Variants in ODF2L observed in about 807,000 individuals in gnomAD.
ODF2L encodes the protein protein BCAP.
ODF2L carries 76 observed loss-of-function variants against 86.3 expected under a neutral mutation model. The observed-to-expected ratio is 0.88, with a 90% CI of 0.73 to 1.07. ODF2L has a LOEUF of 1.07. Among genes scored for constraint, ODF2L ranks in the 50% least tolerant of loss-of-function variants. The pLI, the probability that ODF2L is intolerant of heterozygous loss-of-function variation, is 0.00. For missense variants in ODF2L, 748 were observed against 717.4 expected, an observed-to-expected ratio of 1.04 and a Z score of -0.49; for synonymous variants, 241 against 231.3, an observed-to-expected ratio of 1.04 and a Z score of -0.38.
exon 18 of ODF2L, chr1:86,351,975 T>G: frequency 7.9e-7 from 1 of 1,267,910 alleles, no homozygotes; most frequent in Non-Finnish European, 1.0e-6. Context: ...ACACACATTT[T>G]ACAATATCAG....
At chr1:86,352,238 A>G (rs1464325471) in intron 17 of ODF2L, 2 of 1,477,378 alleles carry the variant, frequency 1.4e-6, no homozygotes, top group African/African-American at 2.9e-5. Context: ...ATTATTCTCT[A>G]TGTCATTATC....
At chr1:86,372,487 A>G in exon 9 of ODF2L, 3 of 1,528,584 alleles carry the variant, frequency 2.0e-6, no homozygotes, top group African/African-American at 1.4e-5. Flanking sequence ...CAATTTTCTC[A>G]TAATGACTTT....
At chr1:86,353,948 C>T (rs1254308030) in intron 16 of ODF2L, among the ~76,000 whole-genome samples, 1 of 152,190 alleles carries the variant, frequency 6.6e-6, no homozygotes, top group Non-Finnish European at 1.5e-5. Context: ...ACTCTGAACT[C>T]TTCCTTTCAG....
At chr1:86,358,631 A>G in intron 13 of ODF2L, 156 bp downstream of exon 12, 1 of 341,818 alleles carries the variant, frequency 2.9e-6, no homozygotes, top group African/African-American at 2.1e-5. Context: ...AGCCTGGAAG[A>G]AACATTATTT....
exon 7 of ODF2L, chr1:86,382,334 A>C (rs1397819482): frequency 9.9e-6 from 16 of 1,611,680 alleles, no homozygotes; most frequent in Admixed American, 1.7e-5. Flanking sequence ...GATTGGGAAA[A>C]ACGGTTTGCT....
At chr1:86,385,816 C>T (rs1223505299) in intron 2 of ODF2L, 2 of 327,508 alleles carry the variant, frequency 6.1e-6, no homozygotes, top group Middle Eastern at 8.4e-4. Flanking sequence ...TAAAGATGTA[C>T]GTATAGTTAA....
At chr1:86,388,089 G>C (rs1027459868) in intron 1 of ODF2L, among the ~76,000 whole-genome samples, 2 of 152,012 alleles carry the variant, frequency 1.3e-5, no homozygotes, top group Non-Finnish European at 2.9e-5. Context: ...ACAGGCCAAT[G>C]AAGTATGGTC....
chr1:86,354,922 T>C, intron 14 of ODF2L, 63 bp from the exon 14 acceptor site: 2 of 894,406 alleles, frequency 2.2e-6, no homozygotes, highest in East Asian at 2.5e-5. Flanking sequence ...AAGAAATCCA[T>C]ATAATTTATT....
intron 7 of ODF2L, chr1:86,381,984 G>T (rs575686532): frequency 3.0e-4 from 82 of 275,784 alleles, no homozygotes; most frequent in African/African-American, 1.7e-3. Context: ...ACTATAAAGT[G>T]GAAATGATTT....
At chr1:86,358,871 T>G (rs776267921) in exon 13 of ODF2L, 1 of 1,539,164 alleles carries the variant, frequency 6.5e-7, no homozygotes, top group Non-Finnish European at 8.8e-7. Flanking sequence ...CTATTTCAGC[T>G]GCTTCTTGCA....
chr1:86,392,816 A>G (rs1661424039), intron 1 of ODF2L, among the ~76,000 whole-genome samples: 1 of 152,246 alleles, frequency 6.6e-6, no homozygotes, highest in Admixed American at 6.5e-5. Flanking sequence ...TATGGAAATA[A>G]AAAATTTTAA....
intron 1 of ODF2L, among the ~76,000 whole-genome samples, chr1:86,392,093 A>G (rs1173367210): frequency 6.6e-6 from 1 of 152,364 alleles, no homozygotes; most frequent in African/African-American, 2.4e-5. Context: ...AAAAATGCTC[A>G]ACATCACTAA....
intron 13 of ODF2L, among the ~76,000 whole-genome samples, chr1:86,357,350 A>T (rs1405471854): frequency 6.9e-6 from 1 of 143,992 alleles, no homozygotes; most frequent in Non-Finnish European, 1.5e-5. Context: ...ATAATGCAGT[A>T]TTTTTTTTTT....
At chr1:86,384,772 A>T (rs762718060) in exon 4 of ODF2L, 1 of 1,525,084 alleles carries the variant, frequency 6.6e-7, no homozygotes, top group South Asian at 1.3e-5. Context: ...TCTGTTCAGA[A>T]ATCTTCAAAT....
At position 86,380,688 on chromosome 1, in the gene ODF2L, T is replaced by C. The variant is rs548712224; in HGVS notation, c.624+1554A>G. On this transcript the variant is annotated intron_variant, in intron 7 of 17. Coordinates refer to ENST00000317336, the Ensembl canonical transcript of ODF2L. ...ATGAATGAACACATAAAGCTGATTA[T>C]CTTCTTTTTCTATCTCCAAAGCAAT... Among the ~76,000 whole-genome samples the C allele has an allele frequency of 1.4e-4, 22 of 152,256 alleles. No individual in the cohort carries two copies. The South Asian group carries it at 4.3e-3, about 30-fold the overall frequency.
At chr1:86,347,427 G>A (rs954981763), downstream of ODF2L, 1 of 152,166 alleles carries the variant, frequency 6.6e-6, no homozygotes, top group Admixed American at 6.5e-5. Flanking sequence ...CAAGGGTCAA[G>A]CATGTTTTTA....
At chr1:86,352,519 T>C (rs1367721057) in intron 17 of ODF2L, among the ~76,000 whole-genome samples, 1 of 152,164 alleles carries the variant, frequency 6.6e-6, no homozygotes, top group African/African-American at 2.4e-5. Context: ...GTAATAATAG[T>C]TTACACTGTG....
At chr1:86,349,010 C>G, downstream of ODF2L, 1 of 865,522 alleles carries the variant, frequency 1.2e-6, no homozygotes, top group Non-Finnish European at 1.6e-6. Context: ...ATACTCACAT[C>G]TGATGTGTTC....
rs868609087 is a variant in ODF2L, at chr1:86,372,187, C to T, written c.920+244G>A. 5.2e-5 allele frequency among the ~76,000 whole-genome samples: 6 copies of T among 116,378 alleles called. No homozygotes were observed. The East Asian group carries it at 1.4e-3, about 27-fold the overall frequency. 76.3% of individuals were successfully genotyped at this position (116,378 alleles called of 152,430 possible). ...CTGGCAACAAAGTGAGACTCCATCT[C>T]AAAAAAAAAAAAAAAATTAAAAATG... On this transcript the variant is annotated intron_variant, in intron 9 of 17. Transcript: ENST00000317336.
Sources: allele counts gnomAD v4.1 joint callset (sites outside exome capture counted in the v4.1 genomes callset), GRCh38; gene constraint gnomAD v4.1.1; transcripts MANE v1.5; gene names NCBI Gene and HGNC (gene_info 2026-07-23, HGNC 2026-07-21).